ANKH: variants seen among roughly 807,000 people sequenced by gnomAD.
The protein encoded by ANKH is ANKH inorganic pyrophosphate transport regulator.
ANKH carries 15 observed loss-of-function variants against 49.0 expected under a neutral mutation model. The ratio of observed to expected loss-of-function variants is 0.31; its 90% CI spans 0.20 to 0.47. The LOEUF is 0.47. Among genes scored for constraint, ANKH ranks in the 20% least tolerant of loss-of-function variants. The pLI is 1.00. For missense variants in ANKH, 429 were observed against 652.0 expected, an observed-to-expected ratio of 0.66 and a Z score of 3.72; for synonymous variants, 273 against 260.0, an observed-to-expected ratio of 1.05 and a Z score of -0.48.
At chr5:14,798,893 A>G (rs575747591) in intron 1 of ANKH, among the ~76,000 whole-genome samples, 2 of 152,364 alleles carry the variant, frequency 1.3e-5, no homozygotes, top group African/African-American at 4.8e-5. Flanking sequence ...TGAAAGGAAC[A>G]GTCACACCTC....
Position 14,706,843 on chromosome 5 carries a change from A to G in ANKH, c.*4354T>C, listed in dbSNP as rs1024342658. 2.0e-5 allele frequency: 3 copies of G among 152,128 alleles called. No homozygotes were observed. Among genetic ancestry groups the G allele is most frequent in the Non-Finnish European group, 4.4e-5 (3 of 68,032 alleles). 9.4% of individuals were successfully genotyped at this position (152,128 alleles called of 1,614,324 possible). Reference sequence around the variant, plus strand: ...ACGTTGCTCAAAAACATGCTTTCCTACGGTTTGAGTGCTTTATATGAGAGC... The same window carrying G: ...ACGTTGCTCAAAAACATGCTTTCCTGCGGTTTGAGTGCTTTATATGAGAGC... On this transcript the variant is annotated 3_prime_UTR_variant, in exon 12 of 12. Transcript: ENST00000284268.
At chr5:14,786,710 T>C (rs1739987360) in intron 1 of ANKH, among the ~76,000 whole-genome samples, 1 of 152,222 alleles carries the variant, frequency 6.6e-6, no homozygotes, top group East Asian at 1.9e-4. Flanking sequence ...AAATGTCAGA[T>C]AGTATTGGTG....
At chr5:14,788,079 G>A (rs1251495220) in intron 1 of ANKH, 3 of 152,160 alleles carry the variant, frequency 2.0e-5, no homozygotes, top group South Asian at 2.1e-4. Context: ...CCAGTCTGCT[G>A]GGTCCAAGAA....
At chr5:14,792,245 G>C (rs1475537672) in intron 1 of ANKH, among the ~76,000 whole-genome samples, 1 of 152,190 alleles carries the variant, frequency 6.6e-6, no homozygotes, top group East Asian at 1.9e-4. Context: ...ATTGAGATTG[G>C]ATATGACTGT....
intron 1 of ANKH, among the ~76,000 whole-genome samples, chr5:14,769,656 C>T (rs757776313): frequency 1.3e-4 from 20 of 151,598 alleles, no homozygotes; most frequent in Non-Finnish European, 2.2e-4. Flanking sequence ...CATGTGTGCA[C>T]ATGTAATCTT....
intron 1 of ANKH, among the ~76,000 whole-genome samples, chr5:14,802,267 C>G (rs547088030): frequency 6.6e-6 from 1 of 152,184 alleles, no homozygotes; most frequent in Non-Finnish European, 1.5e-5. Context: ...CTCTTCTCAC[C>G]GAGACTTGGC....
At chr5:14,815,093 G>GT (rs1740992956) in intron 1 of ANKH, among the ~76,000 whole-genome samples, 1 of 152,136 alleles carries the variant, frequency 6.6e-6, no homozygotes, top group African/African-American at 2.4e-5. Context: ...TGAAAATTCT[G>GT]TAATTCTGTA....
chr5:14,798,490 T>G, intron 1 of ANKH: 1 of 894,878 alleles, frequency 1.1e-6, no homozygotes, highest in Non-Finnish European at 1.6e-6. Context: ...ACGCGGTCTC[T>G]ATTTTTTTTT....
At chr5:14,774,143 G>T (rs189779594) in intron 1 of ANKH, among the ~76,000 whole-genome samples, 1 of 152,260 alleles carries the variant, frequency 6.6e-6, no homozygotes, top group East Asian at 1.9e-4. Context: ...TGTGTTCACT[G>T]CTTAGTTCCA....
chr5:14,812,980 C>G (rs1740930325), intron 1 of ANKH, among the ~76,000 whole-genome samples: 1 of 152,150 alleles, frequency 6.6e-6, no homozygotes, highest in Non-Finnish European at 1.5e-5. Context: ...GTCATATTAA[C>G]ATATGGTTGA....
At chr5:14,787,940 C>T (rs995724125) in intron 1 of ANKH, among the ~76,000 whole-genome samples, 1 of 152,190 alleles carries the variant, frequency 6.6e-6, no homozygotes, top group African/African-American at 2.4e-5. Context: ...GACTCACTTT[C>T]CTATTAGTGC....
chr5:14,719,291 T>A (rs1737589673), intron 8 of ANKH, among the ~76,000 whole-genome samples: 1 of 152,256 alleles, frequency 6.6e-6, no homozygotes, highest in Non-Finnish European at 1.5e-5. Flanking sequence ...AAGAAAAATA[T>A]TTTCAATATT....
Position 14,713,744 on chromosome 5 carries a change from C to G in ANKH, c.1142-77G>C, listed in dbSNP as rs2126405231. On this transcript the variant is annotated intron_variant, in intron 9 of 11. Coordinates refer to ENST00000284268, the MANE Select transcript of ANKH (RefSeq NM_054027.6). This position sits in a 1 kb window ranked among gnomAD's most constrained non-coding sequence, Gnocchi z 4.4. ...TCCTGCTGCCTCTGGACCAGGGCAG[C>G]ACATCCGAGAGCCAGGGGCTGCCTA... 1.2e-6 allele frequency: 2 copies of G among 1,603,942 alleles called. No homozygotes were observed. The highest frequency in any genetic ancestry group is 1.7e-6 in the Non-Finnish European group (2 of 1,174,132).
chr5:14,772,192 G>A (rs1374379060), intron 1 of ANKH, among the ~76,000 whole-genome samples: 2 of 152,068 alleles, frequency 1.3e-5, no homozygotes, highest in East Asian at 1.9e-4. Context: ...AGAGCTACTC[G>A]GCAAAACCAG....
At chr5:14,772,649 T>C (rs929471166) in intron 1 of ANKH, among the ~76,000 whole-genome samples, 3 of 152,188 alleles carry the variant, frequency 2.0e-5, no homozygotes, top group African/African-American at 7.2e-5. Flanking sequence ...AACAAACATC[T>C]CTAGCCTAAG....
chr5:14,730,343 A>T (rs867251538), intron 8 of ANKH, among the ~76,000 whole-genome samples: 1 of 152,178 alleles, frequency 6.6e-6, no homozygotes, highest in African/African-American at 2.4e-5. Flanking sequence ...TATTTTTTTT[A>T]AAGAAATTAA....
intron 1 of ANKH, among the ~76,000 whole-genome samples, chr5:14,823,958 T>G (rs1208734682): frequency 6.6e-6 from 1 of 151,980 alleles, no homozygotes; most frequent in African/African-American, 2.4e-5. Context: ...CAAATCTTTC[T>G]TTCTCCCTGT....
chr5:14,860,870 C>A (rs561570150), intron 1 of ANKH, among the ~76,000 whole-genome samples: 71 of 152,228 alleles, frequency 4.7e-4, no homozygotes, highest in Middle Eastern at 3.4e-3. Flanking sequence ...GCAACCTCCA[C>A]CTCCTGGGTT....
chr5:14,848,628 G>T (rs1472225832), intron 1 of ANKH, among the ~76,000 whole-genome samples: 1 of 152,164 alleles, frequency 6.6e-6, no homozygotes, highest in Non-Finnish European at 1.5e-5. Context: ...GCCCACTGCC[G>T]CTCCCGATCG....
Sources: allele counts gnomAD v4.1 joint callset (sites outside exome capture counted in the v4.1 genomes callset), GRCh38; gene constraint gnomAD v4.1.1; non-coding constraint Gnocchi (gnomAD v3.1); transcripts MANE v1.5; gene names NCBI Gene and HGNC (gene_info 2026-07-23, HGNC 2026-07-21).